JHY: variants seen among roughly 807,000 people sequenced by gnomAD.
The protein encoded by JHY is jhy protein homolog.
In JHY, 69 loss-of-function variants were observed where a neutral mutation model predicts 78.0. That is an observed-to-expected ratio of 0.88 (90% CI 0.73 to 1.08). JHY has a LOEUF of 1.08. JHY is among the 50% of genes least tolerant of loss of function. The pLI, the probability that JHY is intolerant of heterozygous loss-of-function variation, is 0.00. For synonymous variants in JHY, 368 were observed against 342.6 expected (o/e 1.07, Z -0.82); for missense variants, 944 against 927.8 (o/e 1.02, Z -0.23).
intron 1 of JHY, among the ~76,000 whole-genome samples, chr11:122,885,296 A>G (rs1359784435): frequency 1.3e-5 from 2 of 151,728 alleles, no homozygotes; most frequent in South Asian, 4.2e-4. Flanking sequence ...GGAAAACTAC[A>G]CTCTTCTTTC....
At chr11:122,920,681 T>G (rs1863342725) in intron 3 of JHY, among the ~76,000 whole-genome samples, 1 of 152,168 alleles carries the variant, frequency 6.6e-6, no homozygotes, top group African/African-American at 2.4e-5. Flanking sequence ...AAACCCTCAC[T>G]TCAAAGCAAG....
chr11:122,960,844 G>A lies in JHY; in HGVS notation c.*1399G>A. ...CGCCATTACCTTTTTGATGTGCAGA[G>A]GAATAACATTGCTATGGCTGTGGAG... On this transcript the variant is annotated 3_prime_UTR_variant, in exon 9 of 9. Coordinates refer to ENST00000227349, the MANE Select transcript of JHY (RefSeq NM_024806.4). The A allele has an allele frequency of 1.5e-6, 1 of 651,138 alleles. No homozygotes were observed. Among genetic ancestry groups the A allele is most frequent in the South Asian group, 1.4e-5 (1 of 71,634 alleles). The allele number at this position is 651,138 out of a possible 1,614,324, so 40.3% of individuals were successfully genotyped here.
intron 3 of JHY, among the ~76,000 whole-genome samples, chr11:122,915,497 AT>A (rs1180535180): frequency 3.3e-5 from 5 of 151,894 alleles, no homozygotes; most frequent in South Asian, 4.2e-4. Flanking sequence ...GAAAAAGGGT[AT>A]TTTTTTTGTT....
In JHY at chr11:122,963,381, A is replaced by G. The variant is rs576607399; in HGVS notation, c.*3936A>G. ...ACTCTAGAACATTAAAATTCTTTATATAGTGCCATGTGGCATCTAAAATAA... is the reference window on the plus strand; with the variant it reads ...ACTCTAGAACATTAAAATTCTTTATGTAGTGCCATGTGGCATCTAAAATAA... On this transcript the variant is annotated 3_prime_UTR_variant, in exon 9 of 9. Coordinates refer to ENST00000227349, the MANE Select transcript of JHY (RefSeq NM_024806.4). 3.9e-5 allele frequency among the ~76,000 whole-genome samples: 6 copies of G among 152,310 alleles called. No homozygotes were observed. Among genetic ancestry groups the G allele is most frequent in the Admixed American group, 6.5e-5 (1 of 15,302 alleles).
chr11:122,942,237 T>C (rs1001953167), intron 5 of JHY, among the ~76,000 whole-genome samples: 1 of 152,180 alleles, frequency 6.6e-6, no homozygotes, highest in Admixed American at 6.5e-5. Flanking sequence ...AATAGTTTAT[T>C]TGTGCTTTCT....
At position 122,898,827 on chromosome 11, in the gene JHY, C is replaced by T. The variant is rs1419285473; in HGVS notation, c.345-5098C>T. 6.6e-6 allele frequency among the ~76,000 whole-genome samples: 1 copy of T among 152,220 alleles called. No homozygotes were observed. The highest frequency in any genetic ancestry group is 1.5e-5 in the Non-Finnish European group (1 of 68,040). On this transcript the variant is annotated intron_variant, in intron 2 of 8. Transcript: ENST00000227349. The surrounding 1 kb of genome is among the most constrained non-coding windows in gnomAD (Gnocchi z 4.4). ...TGCTTCAAGTGTTTGCAACGTCCCT[C>T]GAGATCTGACCTTTGCTTGCCCTTG... is the stretch of plus-strand genomic sequence containing the variant.
chr11:122,941,750 C>T (rs1863878287), intron 5 of JHY, among the ~76,000 whole-genome samples: 1 of 152,134 alleles, frequency 6.6e-6, no homozygotes, highest in Admixed American at 6.6e-5. Flanking sequence ...ATATGTAAAA[C>T]ATTACATGGT....
rs59941995 is a variant in JHY at position 122,911,905 on chromosome 11, C to CAAA, written c.864+7489_864+7491dup. On this transcript the variant is annotated intron_variant, in intron 3 of 8. Transcript: ENST00000227349. Reference sequence around the variant, plus strand: ...GGGCAAGAAGAGCGAAACTCTGTCTCAAAAAAAAAAAAAAAAAAAAAAAAA... The same window carrying CAAA: ...GGGCAAGAAGAGCGAAACTCTGTCTCAAAAAAAAAAAAAAAAAAAAAAAAAAAA... Among the ~76,000 whole-genome samples, 214 of 49,744 alleles carry CAAA rather than the reference C, an allele frequency of 4.3e-3. 2 individuals carry two copies. The highest frequency in any genetic ancestry group is 9.1e-3 in the African/African-American group (112 of 12,374). 32.6% of individuals were successfully genotyped at this position (49,744 alleles called of 152,430 possible).
intron 4 of JHY, among the ~76,000 whole-genome samples, chr11:122,932,218 A>G (rs1863651314): frequency 6.6e-6 from 1 of 152,208 alleles, no homozygotes; most frequent in African/African-American, 2.4e-5. Context: ...GATCTCAAGT[A>G]GGCTGCTTGG....
rs1480764081 is a variant in JHY, at chr11:122,963,434, C to T, written c.*3989C>T. 6.6e-6 allele frequency among the ~76,000 whole-genome samples: 1 copy of T among 152,112 alleles called. No individual in the cohort carries two copies. The highest frequency in any genetic ancestry group is 1.5e-5 in the Non-Finnish European group (1 of 68,004). On this transcript the variant is annotated 3_prime_UTR_variant, in exon 9 of 9. Coordinates refer to ENST00000227349, the MANE Select transcript of JHY (RefSeq NM_024806.4). ...TTGGCTAGGAAATAAAACATATTTG[C>T]AGAAAGTTTGGGGTTGAAATCAAAG...
Position 122,904,434 on chromosome 11 carries a change from A to T in JHY, c.854A>T (p.His285Leu). The change falls in exon 3 of 9, where the codon CAT becomes CTT. Residue 285 changes from histidine (H) to leucine (L), a missense_variant. By Grantham distance (99) the His-to-Leu change is moderately conservative (BLOSUM62 -3). Transcript: ENST00000227349. ...CACAATAAAAAAAGAGGGGAATCTC[A>T]TCCAGAACAGGTACGTAGTGGCTAC... ...QLHNKKRGES[H>L]PEQISYPVRV... The T allele has an allele frequency of 6.2e-7, 1 of 1,612,500 alleles. No homozygotes were observed. The highest frequency in any genetic ancestry group is 8.5e-7 in the Non-Finnish European group (1 of 1,179,016).
intron 6 of JHY, among the ~76,000 whole-genome samples, chr11:122,950,395 A>G (rs1864062682): frequency 1.3e-5 from 2 of 152,188 alleles, no homozygotes; most frequent in South Asian, 4.1e-4. Context: ...CAAACACACT[A>G]GCTCACAAGA....
intron 4 of JHY, among the ~76,000 whole-genome samples, chr11:122,930,385 A>G (rs928665331): frequency 3.3e-5 from 5 of 152,148 alleles, no homozygotes; most frequent in African/African-American, 1.2e-4. Flanking sequence ...CAGCCAAGAA[A>G]GAGATAGGAT....
At chr11:122,890,769 T>C (rs1301399683) in intron 2 of JHY, among the ~76,000 whole-genome samples, 1 of 152,254 alleles carries the variant, frequency 6.6e-6, no homozygotes, top group African/African-American at 2.4e-5. Flanking sequence ...CAGATAAGGC[T>C]GTTTTCCTCA....
intron 5 of JHY, among the ~76,000 whole-genome samples, chr11:122,940,401 A>T (rs571665055): frequency 6.6e-6 from 1 of 152,258 alleles, no homozygotes; most frequent in African/African-American, 2.4e-5. Context: ...TTTCTATAAC[A>T]TTGCCTTTTT....
intron 2 of JHY, among the ~76,000 whole-genome samples, chr11:122,899,303 A>G (rs1862796583): frequency 6.6e-6 from 1 of 152,212 alleles, no homozygotes; most frequent in African/African-American, 2.4e-5. Flanking sequence ...CAGCATAAAT[A>G]TGGGAAAATA....
At chr11:122,921,287 A>T (rs1417721472) in intron 3 of JHY, among the ~76,000 whole-genome samples, 1 of 152,242 alleles carries the variant, frequency 6.6e-6, no homozygotes, top group African/African-American at 2.4e-5. Context: ...ATCAAACAGT[A>T]TCAACAGTAA....
In JHY at chr11:122,904,112, G is replaced by C; in HGVS notation, c.532G>C (p.Gly178Arg). Residue 178 changes from glycine (G) to arginine (R), a missense_variant, in exon 3 of 9, where the codon GGC (glycine) becomes CGC (arginine). Gly to Arg is a moderately radical substitution (Grantham distance 125). Transcript: ENST00000227349. Reference sequence around the variant, plus strand: ...GTCAATGGAACTCTCCGGGGGAAAAGGCGAGCAGAAAGAGAGTCCACAGAG... The same window carrying C: ...GTCAATGGAACTCTCCGGGGGAAAACGCGAGCAGAAAGAGAGTCCACAGAG... ...ETSMELSGGKGEQKESPQSAA... is the reference protein window; with the variant it reads ...ETSMELSGGKREQKESPQSAA... The C allele has an allele frequency of 6.2e-7, 1 of 1,614,146 alleles. No individual in the cohort carries two copies. Among genetic ancestry groups the C allele is most frequent in the Non-Finnish European group, 8.5e-7 (1 of 1,180,030 alleles).
chr11:122,907,414 TAA>T (rs1480879665), intron 3 of JHY, among the ~76,000 whole-genome samples: 4 of 152,098 alleles, frequency 2.6e-5, no homozygotes, highest in Non-Finnish European at 5.9e-5. Flanking sequence ...TAAGGGAAAT[TAA>T]AAATGTATCT....
Sources: gnomAD v4.1 joint callset for allele counts (sites outside exome capture counted in the v4.1 genomes callset) on GRCh38, gnomAD v4.1.1 for gene constraint, Gnocchi (gnomAD v3.1) non-coding constraint, MANE v1.5 for transcripts, NCBI Gene and HGNC (gene_info 2026-07-23, HGNC 2026-07-21) for gene names.